Variants in LRRN1 observed in about 807,000 individuals in gnomAD.
LRRN1 encodes leucine-rich repeat neuronal protein 1.
LRRN1 carries 14 observed loss-of-function variants against 45.8 expected under a neutral mutation model. The observed-to-expected ratio is 0.31, with a 90% confidence interval of 0.20 to 0.48. LRRN1 has a LOEUF of 0.48. LRRN1 is among the 20% of genes least tolerant of loss of function. LRRN1 has a pLI of 0.99. For missense variants in LRRN1, 789 were observed against 874.2 expected (o/e 0.90, Z 1.23); for synonymous variants, 359 against 330.1 (o/e 1.09, Z -0.95).
At chr3:3,834,860 C>T (rs1455805470) in intron 1 of LRRN1, among the ~76,000 whole-genome samples, 2 of 151,768 alleles carry the variant, frequency 1.3e-5, no homozygotes, top group Admixed American at 6.6e-5. Context: ...ATTGTCCCCA[C>T]CAGATTAAGG....
intron 1 of LRRN1, among the ~76,000 whole-genome samples, chr3:3,800,474 A>G (rs938065531): frequency 2.0e-5 from 3 of 152,164 alleles, no homozygotes; most frequent in Non-Finnish European, 2.9e-5. Context: ...TATAATTGAC[A>G]AGGCACTGAA....
chr3:3,827,153 T>C (rs1450499293), intron 1 of LRRN1: 1 of 192,440 alleles, frequency 5.2e-6, no homozygotes, highest in East Asian at 1.3e-4. Context: ...CAGTTCATTC[T>C]AATTCTCTCA....
intron 1 of LRRN1, among the ~76,000 whole-genome samples, chr3:3,818,160 A>G (rs1693024995): frequency 6.6e-6 from 1 of 152,236 alleles, no homozygotes; most frequent in Non-Finnish European, 1.5e-5. Context: ...CTATACTGTG[A>G]AAGACTTAAA....
At chr3:3,835,859 G>A (rs1406046135) in intron 1 of LRRN1, among the ~76,000 whole-genome samples, 3 of 150,802 alleles carry the variant, frequency 2.0e-5, no homozygotes, top group African/African-American at 2.4e-5. Context: ...CAAACATATC[G>A]TGTTGGAAAA....
At chr3:3,830,899 T>C (rs1292330259) in intron 1 of LRRN1, among the ~76,000 whole-genome samples, 1 of 152,170 alleles carries the variant, frequency 6.6e-6, no homozygotes, top group African/African-American at 2.4e-5. Flanking sequence ...GAGCTGTCTC[T>C]CAAAAGGAGA....
chr3:3,833,179 G>T (rs1250045829), intron 1 of LRRN1, among the ~76,000 whole-genome samples: 1 of 152,078 alleles, frequency 6.6e-6, no homozygotes, highest in African/African-American at 2.4e-5. Flanking sequence ...ATATCTTCTG[G>T]GCCCTCCCAA....
chr3:3,845,180 AAGTTATTGAT>A lies in LRRN1; in HGVS notation c.543_552del (p.Ile182AlafsTer13). 1 of 1,614,152 alleles carries A rather than the reference AAGTTATTGAT, an allele frequency of 6.2e-7. No individual in the cohort carries two copies. The highest frequency in any genetic ancestry group is 8.5e-7 in the Non-Finnish European group (1 of 1,180,020). ...CTCCACCTGAACTCCAACAAATTGA[AAGTTATTGAT>A]AGTCGCTGGTTTGATTCTACACCCA... On this transcript the variant is annotated frameshift_variant, in exon 2 of 2. Coordinates refer to ENST00000319331, the MANE Select transcript of LRRN1 (RefSeq NM_020873.7). LOFTEE classifies it high-confidence loss of function. The surrounding 1 kb of genome is among the most constrained non-coding windows in gnomAD (Gnocchi z 6.5).
At chr3:3,803,087 GT>G (rs2106448784) in intron 1 of LRRN1, among the ~76,000 whole-genome samples, 1 of 152,324 alleles carries the variant, frequency 6.6e-6, no homozygotes, top group African/African-American at 2.4e-5. Context: ...GCTAGCTCTG[GT>G]TAATGTCTGA....
intron 1 of LRRN1, among the ~76,000 whole-genome samples, chr3:3,819,561 T>G (rs1372172346): frequency 6.6e-6 from 1 of 152,172 alleles, no homozygotes; most frequent in Non-Finnish European, 1.5e-5. Context: ...TCTGCCTTCA[T>G]TGTCACATGG....
At chr3:3,833,919 T>C (rs1273026212) in intron 1 of LRRN1, among the ~76,000 whole-genome samples, 1 of 152,204 alleles carries the variant, frequency 6.6e-6, no homozygotes, top group Non-Finnish European at 1.5e-5. Flanking sequence ...GGTTGCATTC[T>C]TTTCCAATCA....
At position 3,814,665 on chromosome 3, in the gene LRRN1, T is replaced by G. The variant is rs575175579; in HGVS notation, c.-279+14746T>G. Among the ~76,000 whole-genome samples, 3 of 152,300 alleles carry G rather than the reference T, an allele frequency of 2.0e-5. No homozygotes were observed. In the South Asian group the frequency reaches 6.2e-4, roughly 32 times the overall value. On this transcript the variant is annotated intron_variant, in intron 1 of 1. Transcript: ENST00000319331. ...GGACTAATGCTCTTATAAAAGAGAT[T>G]GAAGGGAGTTCCTTAGTCTCCTTTT...
At chr3:3,841,214 C>T (rs892051332) in intron 1 of LRRN1, among the ~76,000 whole-genome samples, 1 of 149,302 alleles carries the variant, frequency 6.7e-6, no homozygotes, top group Non-Finnish European at 1.5e-5. Flanking sequence ...TTGCTTAAAC[C>T]CGGGAGGCAG....
In LRRN1 at chr3:3,844,750, G is replaced by A. The variant is rs375458276; in HGVS notation, c.109G>A (p.Val37Ile). 3.7e-5 allele frequency: 59 copies of A among 1,613,948 alleles called. No individual in the cohort carries two copies. Among genetic ancestry groups the A allele is most frequent in the African/African-American group, 1.2e-4 (9 of 74,894 alleles). The stretch of plus-strand genomic sequence containing the variant: ...GAATAGTGAGTGTCCACAACTTTGC[G>A]TATGTGAAATTCGTCCCTGGTTTAC... ...IQNSECPQLCVCEIRPWFTPQ... is the reference protein window; with the variant it reads ...IQNSECPQLCICEIRPWFTPQ... The change falls in exon 2 of 2, where the codon GTA (valine) becomes ATA (isoleucine). Residue 37 changes from valine (V) to isoleucine (I), a missense_variant. By Grantham distance (29) the Val-to-Ile change is conservative (BLOSUM62 3). Transcript: ENST00000319331.
chr3:3,815,651 A>G (rs890779918), intron 1 of LRRN1, among the ~76,000 whole-genome samples: 1 of 152,176 alleles, frequency 6.6e-6, no homozygotes, highest in African/African-American at 2.4e-5. Flanking sequence ...TTAATTCTCC[A>G]ATAAAATAAT....
At chr3:3,802,248 T>C (rs1692669161) in intron 1 of LRRN1, among the ~76,000 whole-genome samples, 1 of 152,216 alleles carries the variant, frequency 6.6e-6, no homozygotes, top group South Asian at 2.1e-4. Context: ...GTTCACCTCT[T>C]GGCGTTGTGC....
chr3:3,823,974 TGAGCTG>T lies in LRRN1; in HGVS notation c.-278-20386_-278-20381del, dbSNP rs1693163616. On this transcript the variant is annotated intron_variant, in intron 1 of 1. Transcript: ENST00000319331. ...GGTAGGAAAGATGGCTAACATGCAC[TGAGCTG>T]GAGTCAAGACCAGAGGTAAGGACTC... 3.9e-5 allele frequency among the ~76,000 whole-genome samples: 6 copies of T among 152,282 alleles called. No homozygotes were observed. The South Asian group carries it at 1.0e-3, about 26-fold the overall frequency.
chr3:3,818,354 T>G (rs1693027926), intron 1 of LRRN1, among the ~76,000 whole-genome samples: 2 of 152,186 alleles, frequency 1.3e-5, no homozygotes, highest in South Asian at 4.1e-4. Context: ...TTTTAATAAC[T>G]ACACTTGCTG....
chr3:3,814,029 C>T (rs1037917157), intron 1 of LRRN1, among the ~76,000 whole-genome samples: 1 of 151,910 alleles, frequency 6.6e-6, no homozygotes, highest in African/African-American at 2.4e-5. Context: ...CACATCTAGT[C>T]AACTGCAGTA....
intron 1 of LRRN1, among the ~76,000 whole-genome samples, chr3:3,818,782 T>C (rs1346172578): frequency 1.3e-5 from 2 of 152,130 alleles, no homozygotes; most frequent in Non-Finnish European, 2.9e-5. Context: ...ACCACAGCTT[T>C]TAAAGTTAAG....
Sources: gnomAD v4.1 joint callset for allele counts (sites outside exome capture counted in the v4.1 genomes callset) on GRCh38, gnomAD v4.1.1 for gene constraint, Gnocchi (gnomAD v3.1) non-coding constraint, MANE v1.5 for transcripts, NCBI Gene and HGNC (gene_info 2026-07-23, HGNC 2026-07-21) for gene names.